The following ROBO1 variants were observed in gnomAD, a reference collection of about 807,000 sequenced individuals.
The protein encoded by ROBO1 is roundabout guidance receptor 1.
Under a neutral mutation model 195.9 loss-of-function variants are expected in ROBO1, and 149 were observed. The ratio of observed to expected loss-of-function variants is 0.76; its 90% confidence interval spans 0.67 to 0.87. ROBO1 has a LOEUF of 0.87. Among genes scored for constraint, ROBO1 ranks in the 40% least tolerant of loss-of-function variants. ROBO1 has a pLI of 0.00. For missense variants in ROBO1, 1,933 were observed against 2,068.3 expected (o/e 0.93, Z 1.27); for synonymous variants, 816 against 733.2 (o/e 1.11, Z -1.82).
intron 3 of ROBO1, among the ~76,000 whole-genome samples, chr3:79,036,320 A>G (rs926054498): frequency 6.6e-6 from 1 of 152,142 alleles, no homozygotes; most frequent in Admixed American, 6.5e-5. Context: ...TTAAATAAAA[A>G]GCAAGTGATG....
chr3:79,576,062 C>T (rs576838347), intron 2 of ROBO1, among the ~76,000 whole-genome samples: 1 of 152,010 alleles, frequency 6.6e-6, no homozygotes, highest in South Asian at 2.1e-4. Context: ...ATTATGACTT[C>T]TCTATACAGC....
chr3:78,894,081 A>G (rs1378739596), intron 4 of ROBO1, among the ~76,000 whole-genome samples: 1 of 152,208 alleles, frequency 6.6e-6, no homozygotes. Flanking sequence ...CTGAAAATGA[A>G]AAGAATTTAG....
At chr3:79,182,052 T>C (rs1239032902) in intron 2 of ROBO1, among the ~76,000 whole-genome samples, 1 of 152,036 alleles carries the variant, frequency 6.6e-6, no homozygotes, top group Non-Finnish European at 1.5e-5. Flanking sequence ...AATTTCTTCC[T>C]GTATGCTAGG....
chr3:78,757,525 A>C (rs921428453), intron 4 of ROBO1, among the ~76,000 whole-genome samples: 1 of 152,156 alleles, frequency 6.6e-6, no homozygotes, highest in African/African-American at 2.4e-5. Flanking sequence ...AAGGATTAAA[A>C]GGAGTTTTCA....
intron 3 of ROBO1, among the ~76,000 whole-genome samples, chr3:79,106,730 A>G (rs2079788786): frequency 6.6e-6 from 1 of 151,702 alleles, no homozygotes; most frequent in South Asian, 2.1e-4. Context: ...AAAAAATGTA[A>G]GTTAAAAATA....
intron 2 of ROBO1, among the ~76,000 whole-genome samples, chr3:79,488,674 C>T (rs540054262): frequency 6.6e-6 from 1 of 152,170 alleles, no homozygotes; most frequent in Admixed American, 6.5e-5. Context: ...ACATCTTTTT[C>T]ACTTATAAAT....
chr3:79,554,654 A>G (rs1291360266), intron 2 of ROBO1, among the ~76,000 whole-genome samples: 1 of 152,114 alleles, frequency 6.6e-6, no homozygotes, highest in Non-Finnish European at 1.5e-5. Flanking sequence ...AAAAACTGGA[A>G]TGACAAAGTA....
intron 2 of ROBO1, among the ~76,000 whole-genome samples, chr3:79,426,113 T>A (rs1017401115): frequency 1.3e-5 from 2 of 152,110 alleles, no homozygotes; most frequent in Non-Finnish European, 2.9e-5. Context: ...GATACACGTG[T>A]GTTACATAAG....
chr3:79,666,647 A>G (rs191198608), intron 1 of ROBO1, among the ~76,000 whole-genome samples: 22 of 151,960 alleles, frequency 1.4e-4, no homozygotes, highest in African/African-American at 4.6e-4. Context: ...GCTTGCTGCC[A>G]TGTAAGACAT....
intron 3 of ROBO1, chr3:79,018,282 G>T: frequency 9.3e-7 from 1 of 1,076,694 alleles, no homozygotes; most frequent in Admixed American, 2.1e-5. Context: ...AAGTCTAGCA[G>T]GAATCGAGCC....
chr3:78,642,553 C>T (rs1214631685), intron 21 of ROBO1, among the ~76,000 whole-genome samples: 1 of 152,196 alleles, frequency 6.6e-6, no homozygotes, highest in Non-Finnish European at 1.5e-5. Flanking sequence ...TTGGCATTCT[C>T]TACCAGGTTA....
intron 1 of ROBO1, among the ~76,000 whole-genome samples, chr3:79,594,031 C>T (rs1367696164): frequency 6.6e-6 from 1 of 151,934 alleles, no homozygotes; most frequent in African/African-American, 2.4e-5. Flanking sequence ...TTGATAGTGT[C>T]TTTCACAGAG....
intron 2 of ROBO1, among the ~76,000 whole-genome samples, chr3:79,381,355 CAAAA>C (rs61680946): frequency 1.6e-4 from 10 of 60,714 alleles, no homozygotes; most frequent in South Asian, 7.3e-4. Context: ...AACTCCGTCT[CAAAA>C]AAAAAAAAAA....
intron 2 of ROBO1, among the ~76,000 whole-genome samples, chr3:79,200,143 AGTATTGTAAT>A (rs1336264734): frequency 6.6e-6 from 1 of 151,790 alleles, no homozygotes; most frequent in Admixed American, 6.6e-5. Flanking sequence ...AGAAGTGAAA[AGTATTGTAAT>A]GAGTGGAAAC....
chr3:79,630,652 G>T (rs1945311041), intron 1 of ROBO1, among the ~76,000 whole-genome samples: 1 of 151,812 alleles, frequency 6.6e-6, no homozygotes, highest in South Asian at 2.1e-4. Flanking sequence ...AATCAAGAAA[G>T]AAATAAAAGG....
chr3:79,617,441 C>T (rs1332832188), intron 1 of ROBO1, among the ~76,000 whole-genome samples: 1 of 152,030 alleles, frequency 6.6e-6, no homozygotes, highest in African/African-American at 2.4e-5. Flanking sequence ...TTTCAAAAAA[C>T]CATACACAGA....
At chr3:78,875,724 C>A (rs1403517302) in intron 4 of ROBO1, among the ~76,000 whole-genome samples, 1 of 151,878 alleles carries the variant, frequency 6.6e-6, no homozygotes, top group Admixed American at 6.6e-5. Flanking sequence ...TTTTAGGAAG[C>A]AAAACGTTAC....
intron 1 of ROBO1, among the ~76,000 whole-genome samples, chr3:79,645,642 C>T (rs535954817): frequency 1.3e-5 from 2 of 152,154 alleles, no homozygotes; most frequent in African/African-American, 4.8e-5. Flanking sequence ...TTATATTGAA[C>T]CGTAATAGAC....
At chr3:79,242,528 C>T (rs887472405) in intron 2 of ROBO1, among the ~76,000 whole-genome samples, 31 of 152,128 alleles carry the variant, frequency 2.0e-4, no homozygotes, top group African/African-American at 7.0e-4. Flanking sequence ...GAAATTTTCA[C>T]ATATAGGAAA....
Sources: gnomAD v4.1 joint callset for allele counts (sites outside exome capture counted in the v4.1 genomes callset) on GRCh38, gnomAD v4.1.1 for gene constraint, MANE v1.5 for transcripts, NCBI Gene and HGNC (gene_info 2026-07-23, HGNC 2026-07-21) for gene names.